ITFG1: variants seen among roughly 807,000 people sequenced by gnomAD.
ITFG1 encodes the protein T-cell immunomodulatory protein.
In ITFG1, 34 loss-of-function variants were observed where a neutral mutation model predicts 81.8. The ratio of observed to expected loss-of-function variants is 0.42; its 90% CI spans 0.32 to 0.55. The LOEUF is 0.55. Among genes scored for constraint, ITFG1 ranks in the 20% least tolerant of loss-of-function variants. ITFG1 has a pLI of 0.17. For synonymous variants in ITFG1, 285 were observed against 270.6 expected, an observed-to-expected ratio of 1.05 and a Z score of -0.52; for missense variants, 672 against 755.4, an observed-to-expected ratio of 0.89 and a Z score of 1.29.
chr16:47,192,758 T>G (rs1347048006), intron 14 of ITFG1, among the ~76,000 whole-genome samples: 1 of 152,146 alleles, frequency 6.6e-6, no homozygotes, highest in African/African-American at 2.4e-5. Context: ...TCTGGAAGTT[T>G]GTTTGTTTGT....
intron 14 of ITFG1, among the ~76,000 whole-genome samples, chr16:47,211,629 A>G (rs1330077958): frequency 1.3e-5 from 2 of 152,220 alleles, no homozygotes; most frequent in Non-Finnish European, 2.9e-5. Flanking sequence ...ATCATTAAGC[A>G]TAAATTCAGC....
intron 6 of ITFG1, among the ~76,000 whole-genome samples, chr16:47,409,119 T>C (rs1349240575): frequency 6.6e-6 from 1 of 151,430 alleles, no homozygotes; most frequent in East Asian, 2.0e-4. Flanking sequence ...GCTTGTGGCC[T>C]AGGGGAAAAT....
chr16:47,323,688 C>G (rs1596894264), intron 8 of ITFG1, among the ~76,000 whole-genome samples: 1 of 152,014 alleles, frequency 6.6e-6, no homozygotes, highest in Admixed American at 6.6e-5. Context: ...CTGAGATTCC[C>G]CTCTTCTCTC....
At chr16:47,446,216 T>C (rs1345350006) in intron 5 of ITFG1, among the ~76,000 whole-genome samples, 2 of 152,190 alleles carry the variant, frequency 1.3e-5, no homozygotes, top group Admixed American at 1.3e-4. Context: ...TACAATTCCG[T>C]GGTGTGCCTC....
chr16:47,422,756 T>C (rs1968967353), intron 6 of ITFG1, among the ~76,000 whole-genome samples: 1 of 152,228 alleles, frequency 6.6e-6, no homozygotes, highest in Non-Finnish European at 1.5e-5. Context: ...CCACTTTTTC[T>C]AGATTTTCCA....
chr16:47,198,824 TA>T (rs1372902287), intron 14 of ITFG1, among the ~76,000 whole-genome samples: 4 of 152,224 alleles, frequency 2.6e-5, no homozygotes, highest in Admixed American at 2.6e-4. Flanking sequence ...AATAAAACAT[TA>T]AAAAAAATTT....
intron 14 of ITFG1, among the ~76,000 whole-genome samples, chr16:47,188,008 A>G (rs956937111): frequency 6.6e-6 from 1 of 152,164 alleles, no homozygotes; most frequent in Non-Finnish European, 1.5e-5. Context: ...AAACACATGA[A>G]AAAATGCTCA....
At chr16:47,289,630 T>C (rs985725987) in intron 10 of ITFG1, among the ~76,000 whole-genome samples, 2 of 152,206 alleles carry the variant, frequency 1.3e-5, no homozygotes, top group African/African-American at 4.8e-5. Flanking sequence ...TCTAATTTGT[T>C]GGCATATAGT....
chr16:47,460,408 C>T (rs1265527952), intron 1 of ITFG1, among the ~76,000 whole-genome samples: 1 of 152,130 alleles, frequency 6.6e-6, no homozygotes, highest in Non-Finnish European at 1.5e-5. Flanking sequence ...TCAGGTTGCA[C>T]CTTTTCATGT....
intron 14 of ITFG1, among the ~76,000 whole-genome samples, chr16:47,181,508 G>T (rs1475905220): frequency 2.1e-5 from 3 of 141,296 alleles, no homozygotes; most frequent in African/African-American, 7.9e-5. Flanking sequence ...AGGTGGGGGG[G>T]TCAGCCCCCC....
intron 12 of ITFG1, among the ~76,000 whole-genome samples, chr16:47,255,466 T>G (rs1049435584): frequency 6.6e-6 from 1 of 152,236 alleles, no homozygotes; most frequent in Non-Finnish European, 1.5e-5. Flanking sequence ...ACTGACTTAG[T>G]TGTGTCCCTA....
chr16:47,191,539 A>C (rs1567419334), intron 14 of ITFG1, among the ~76,000 whole-genome samples: 1 of 152,094 alleles, frequency 6.6e-6, no homozygotes, highest in African/African-American at 2.4e-5. Flanking sequence ...TTTTATTTCT[A>C]GCATTTTTTC....
At chr16:47,296,308 T>C (rs1019466358) in intron 10 of ITFG1, among the ~76,000 whole-genome samples, 2 of 151,914 alleles carry the variant, frequency 1.3e-5, no homozygotes, top group Non-Finnish European at 2.9e-5. Context: ...TTTTGCTATA[T>C]CCCAGGGGTT....
At chr16:47,380,287 T>C (rs893413043) in intron 6 of ITFG1, among the ~76,000 whole-genome samples, 2 of 152,204 alleles carry the variant, frequency 1.3e-5, no homozygotes, top group Non-Finnish European at 2.9e-5. Context: ...AACTTCATAG[T>C]CTGCAGAAGT....
chr16:47,445,398 C>T (rs1056767181), intron 5 of ITFG1, among the ~76,000 whole-genome samples: 5 of 151,834 alleles, frequency 3.3e-5, no homozygotes, highest in African/African-American at 1.2e-4. Context: ...AAAACAGGTA[C>T]ACTCTCAGGC....
intron 10 of ITFG1, among the ~76,000 whole-genome samples, chr16:47,279,653 T>G: frequency 6.6e-6 from 1 of 152,160 alleles, no homozygotes; most frequent in Non-Finnish European, 1.5e-5. Context: ...TAGAATCAAT[T>G]TGTCTGTATC....
At chr16:47,290,360 T>G (rs753073116) in intron 10 of ITFG1, among the ~76,000 whole-genome samples, 13 of 152,218 alleles carry the variant, frequency 8.5e-5, no homozygotes, top group Non-Finnish European at 1.8e-4. Context: ...AAGCAATGTT[T>G]TTGTTGGTTT....
chr16:47,260,023 C>T (rs917547009), intron 11 of ITFG1, among the ~76,000 whole-genome samples: 3 of 151,242 alleles, frequency 2.0e-5, no homozygotes, highest in East Asian at 1.9e-4. Flanking sequence ...ACTGCAAACT[C>T]TGCCTCCCGG....
intron 12 of ITFG1, among the ~76,000 whole-genome samples, chr16:47,243,410 A>G (rs1029867181): frequency 2.6e-5 from 4 of 152,220 alleles, no homozygotes; most frequent in Non-Finnish European, 4.4e-5. Context: ...ATAAAAATTA[A>G]GAACTCTCAG....
Sources: gnomAD v4.1 joint callset for allele counts (sites outside exome capture counted in the v4.1 genomes callset) on GRCh38, gnomAD v4.1.1 for gene constraint, MANE v1.5 for transcripts, NCBI Gene and HGNC (gene_info 2026-07-23, HGNC 2026-07-21) for gene names.